Variants in CHEK2 observed in about 807,000 individuals in gnomAD.
CHEK2 encodes the protein checkpoint kinase 2, also known as serine/threonine-protein kinase Chk2.
A neutral mutation model predicts 69.1 loss-of-function variants in CHEK2; 71 were observed. The observed-to-expected ratio is 1.03, with a 90% CI of 0.85 to 1.25. CHEK2 has a LOEUF of 1.25. CHEK2 is among the 50% of genes most tolerant of loss of function. CHEK2 has a pLI of 0.00. For missense variants in CHEK2, 664 were observed against 649.6 expected, an observed-to-expected ratio of 1.02 and a Z score of -0.24; for synonymous variants, 189 against 226.9, an observed-to-expected ratio of 0.83 and a Z score of 1.50.
At chr22:28,723,777 G>A (rs1407449180) in intron 4 of CHEK2, among the ~76,000 whole-genome samples, 2 of 151,692 alleles carry the variant, frequency 1.3e-5, no homozygotes, top group Admixed American at 6.6e-5. Context: ...GTAAAACCCC[G>A]TCTCTACCAA....
chr22:28,717,155 GATC>G (rs71678601), intron 5 of CHEK2, among the ~76,000 whole-genome samples: 6,837 of 152,240 alleles, frequency 0.045, 179 homozygotes, highest in Middle Eastern at 0.071. Flanking sequence ...GAGGCAGGCG[GATC>G]ATGAGGTCAG....
At chr22:28,727,208 AT>A (rs1198360520) in intron 2 of CHEK2, among the ~76,000 whole-genome samples, 2 of 151,950 alleles carry the variant, frequency 1.3e-5, no homozygotes, top group African/African-American at 4.8e-5. Context: ...TGCCCAGCTA[AT>A]TTTTTGTAAT....
intron 4 of CHEK2, among the ~76,000 whole-genome samples, chr22:28,723,141 A>C (rs1241389307): frequency 6.6e-6 from 1 of 152,126 alleles, no homozygotes; most frequent in Non-Finnish European, 1.5e-5. Context: ...TTCATTTTAG[A>C]TGTTATTTTC....
chr22:28,714,455 A>T (rs2053519300), intron 5 of CHEK2, among the ~76,000 whole-genome samples: 1 of 152,160 alleles, frequency 6.6e-6, no homozygotes, highest in South Asian at 2.1e-4. Context: ...GCTGCAGTGC[A>T]GTGCCTTTGC....
intron 7 of CHEK2, among the ~76,000 whole-genome samples, chr22:28,709,423 A>G (rs1218224580): frequency 2.6e-5 from 4 of 152,186 alleles, no homozygotes; most frequent in South Asian, 2.1e-4. Context: ...AATAATTGCT[A>G]TATGTTTTGG....
At chr22:28,693,188 C>T (rs1281252487) in intron 13 of CHEK2, among the ~76,000 whole-genome samples, 2 of 152,140 alleles carry the variant, frequency 1.3e-5, no homozygotes, top group Admixed American at 6.6e-5. Flanking sequence ...TGCCCAATGC[C>T]GTGGCTAATT....
At chr22:28,741,148 C>CAAAAAA (rs71194792) in intron 1 of CHEK2, among the ~76,000 whole-genome samples, 40 of 51,160 alleles carry the variant, frequency 7.8e-4, no homozygotes, top group African/African-American at 2.7e-3. Flanking sequence ...GACTCCGTCT[C>CAAAAAA]AAAAAAAAAA....
chr22:28,702,707 C>T (rs532406399), intron 8 of CHEK2, among the ~76,000 whole-genome samples: 5 of 151,902 alleles, frequency 3.3e-5, no homozygotes, highest in South Asian at 4.2e-4. Flanking sequence ...CCACCACACT[C>T]GGCTAATTTT....
intron 1 of CHEK2, among the ~76,000 whole-genome samples, chr22:28,741,384 A>G (rs2054552034): frequency 1.3e-5 from 2 of 152,046 alleles, no homozygotes; most frequent in African/African-American, 4.8e-5. Context: ...ACATCCTCCT[A>G]CACAGCTCAG....
chr22:28,697,160 A>G (rs2052623759), intron 9 of CHEK2, among the ~76,000 whole-genome samples, 173 bp from the exon 10 acceptor site: 1 of 152,224 alleles, frequency 6.6e-6, no homozygotes, highest in African/African-American at 2.4e-5. Flanking sequence ...AATTTGTTTG[A>G]GAAGATCTTT....
At chr22:28,694,188 A>G in intron 12 of CHEK2, 71 bp from the exon 13 acceptor site, 2 of 1,008,738 alleles carry the variant, frequency 2.0e-6, no homozygotes, top group Non-Finnish European at 3.1e-6. Context: ...GCCAGAATTA[A>G]CAGGCCACCA....
At chr22:28,707,915 C>A (rs1191902485) in intron 7 of CHEK2, among the ~76,000 whole-genome samples, 1 of 146,374 alleles carries the variant, frequency 6.8e-6, no homozygotes, top group African/African-American at 2.5e-5. Flanking sequence ...CGGCTCACTG[C>A]AAGCTCCGCC....
chr22:28,689,212 C>A lies in CHEK2; in HGVS notation c.1465G>T (p.Glu489Ter), dbSNP rs1420382294. ...EALRHPWLQD[E>*]DMKRKFQDLL... is the part of the protein sequence containing the mutation. Reference sequence around the variant, plus strand: ...TCTTGAAACTTTCTCTTCATGTCTTCATCCTGTGAGGGAATTAAAAACATA... The same window carrying A: ...TCTTGAAACTTTCTCTTCATGTCTTAATCCTGTGAGGGAATTAAAAACATA... Residue 489 changes from glutamate to a stop codon, truncating the protein, a stop_gained, in exon 14 of 15, where the codon GAA becomes TAA. Transcript: ENST00000404276. LOFTEE classifies it high-confidence loss of function. 6.4e-7 allele frequency: 1 copy of A among 1,570,602 alleles called. No homozygotes were observed. Among genetic ancestry groups the A allele is most frequent in the Admixed American group, 1.7e-5 (1 of 59,966 alleles).
intron 2 of CHEK2, among the ~76,000 whole-genome samples, 176 bp from the exon 3 acceptor site, chr22:28,725,543 T>A (rs747286818): frequency 1.3e-5 from 2 of 152,166 alleles, no homozygotes; most frequent in Non-Finnish European, 2.9e-5. Flanking sequence ...ACATTACCAA[T>A]GAGTTTAACA....
At chr22:28,723,491 G>T (rs558441941) in intron 4 of CHEK2, among the ~76,000 whole-genome samples, 99 of 148,380 alleles carry the variant, frequency 6.7e-4, no homozygotes, top group African/African-American at 2.3e-3. Flanking sequence ...CCAGCTACTG[G>T]GGAGGCTGAG....
At chr22:28,694,384 C>T (rs1477420996) in intron 12 of CHEK2, among the ~76,000 whole-genome samples, 1 of 152,134 alleles carries the variant, frequency 6.6e-6, no homozygotes, top group East Asian at 1.9e-4. Flanking sequence ...TGTTGCTAGA[C>T]TCAAGGTCGG....
intron 1 of CHEK2, among the ~76,000 whole-genome samples, chr22:28,738,548 C>CG (rs2054478501): frequency 6.6e-6 from 1 of 152,182 alleles, no homozygotes; most frequent in African/African-American, 2.4e-5. Context: ...ATACTCCCCC[C>CG]ACCCACCCAT....
chr22:28,712,001 C>T lies in CHEK2; in HGVS notation c.700G>A (p.Val234Ile), dbSNP rs2145952480. ...KTLGSGACGE[V>I]KLAFERKTCK... ...GTTTTCCTCTCGAAAGCCAGCTTTACCTCTCCACAGGCACCACTAGAGGGA... is the reference window on the plus strand; with the variant it reads ...GTTTTCCTCTCGAAAGCCAGCTTTATCTCTCCACAGGCACCACTAGAGGGA... The change falls in exon 6 of 15, where the codon GTA (valine) becomes ATA (isoleucine). Residue 234 changes from valine to isoleucine, a missense_variant. Transcript: ENST00000404276. 1.2e-6 allele frequency: 2 copies of T among 1,612,160 alleles called. No homozygotes were observed. The highest frequency in any genetic ancestry group is 1.7e-6 in the Non-Finnish European group (2 of 1,179,220).
rs776443322 is a variant in CHEK2 at position 28,734,395 on chromosome 22, G to C, written c.319+8C>G. The C allele has an allele frequency of 6.2e-7, 1 of 1,612,782 alleles. No homozygotes were observed. The highest frequency in any genetic ancestry group is 1.7e-5 in the Admixed American group (1 of 59,964). On this transcript the variant is annotated splice_region_variant and intron_variant, in intron 2 of 14. Coordinates refer to ENST00000404276, the MANE Select transcript of CHEK2 (RefSeq NM_007194.4). ...CAAAACGTGATACTATACAACAAAG[G>C]GTCTTACCAAGATTGGCAAATCCAT...
Sources: allele counts gnomAD v4.1 joint callset (sites outside exome capture counted in the v4.1 genomes callset), GRCh38; gene constraint gnomAD v4.1.1; transcripts MANE v1.5; gene names NCBI Gene and HGNC (gene_info 2026-07-23, HGNC 2026-07-21).